RBFOX1: variants seen among roughly 807,000 people sequenced by gnomAD.
RBFOX1 encodes RNA binding protein fox-1 homolog 1.
In RBFOX1, 8 loss-of-function variants were observed where a neutral mutation model predicts 57.7. The observed-to-expected ratio is 0.14, with a 90% CI of 0.08 to 0.25. RBFOX1 has a LOEUF of 0.25. Ranked by LOEUF, RBFOX1 falls within the 10% of genes least tolerant of loss-of-function variation. RBFOX1 has a pLI of 1.00. For missense variants in RBFOX1, 611 were observed against 548.5 expected (o/e 1.11, Z -1.14); for synonymous variants, 326 against 222.4 (o/e 1.47, Z -4.15).
intron 1 of RBFOX1, among the ~76,000 whole-genome samples, chr16:5,376,149 C>A (rs941002545): frequency 6.8e-6 from 1 of 147,048 alleles, no homozygotes; most frequent in Non-Finnish European, 1.5e-5. Flanking sequence ...GCCTGGGTGA[C>A]AGAGCATGAC....
At chr16:7,475,991 G>C (rs984079914) in intron 4 of RBFOX1, among the ~76,000 whole-genome samples, 3 of 151,140 alleles carry the variant, frequency 2.0e-5, no homozygotes. Flanking sequence ...TTTGAGACAG[G>C]GTCTCACTCT....
At chr16:7,113,173 A>G (rs2065154584) in intron 4 of RBFOX1, among the ~76,000 whole-genome samples, 1 of 152,210 alleles carries the variant, frequency 6.6e-6, no homozygotes, top group Non-Finnish European at 1.5e-5. Flanking sequence ...AAATAAATAC[A>G]CAGATACATA....
intron 5 of RBFOX1, among the ~76,000 whole-genome samples, chr16:7,574,930 T>A (rs1032940340): frequency 1.3e-5 from 2 of 152,098 alleles, no homozygotes; most frequent in Non-Finnish European, 2.9e-5. Context: ...GCCTCCTGGA[T>A]AACAGCTGCT....
intron 2 of RBFOX1, among the ~76,000 whole-genome samples, chr16:6,525,596 A>G (rs1479351901): frequency 6.6e-6 from 1 of 152,152 alleles, no homozygotes; most frequent in Non-Finnish European, 1.5e-5. Flanking sequence ...GGGAATTTTC[A>G]GACTTGGGAA....
chr16:6,429,225 C>G (rs917729527), intron 2 of RBFOX1, among the ~76,000 whole-genome samples: 2 of 152,176 alleles, frequency 1.3e-5, no homozygotes, highest in African/African-American at 4.8e-5. Context: ...GTGGAGAGAG[C>G]TTTGGTGGAG....
intron 4 of RBFOX1, among the ~76,000 whole-genome samples, chr16:5,938,225 G>T (rs2152260716): frequency 6.6e-6 from 1 of 152,166 alleles, no homozygotes; most frequent in Middle Eastern, 3.4e-3. Context: ...GAAGTATATA[G>T]CTTTCAGGTT....
chr16:5,491,677 C>G (rs886228984), intron 2 of RBFOX1, among the ~76,000 whole-genome samples: 1 of 152,210 alleles, frequency 6.6e-6, no homozygotes, highest in Non-Finnish European at 1.5e-5. Context: ...GGCCCAGCAG[C>G]CATGAGCTAG....
chr16:6,297,347 C>A (rs542268046), intron 1 of RBFOX1, among the ~76,000 whole-genome samples: 30 of 152,222 alleles, frequency 2.0e-4, no homozygotes, highest in Middle Eastern at 3.4e-3. Context: ...TGCTCTGGTT[C>A]ACACGCCTCT....
intron 4 of RBFOX1, among the ~76,000 whole-genome samples, chr16:7,413,408 C>A (rs1334131384): frequency 6.6e-6 from 1 of 152,190 alleles, no homozygotes; most frequent in African/African-American, 2.4e-5. Flanking sequence ...AGCCTTGACC[C>A]CCAGAGTTCC....
In RBFOX1 at chr16:6,693,605, A is replaced by G. The variant is rs373194044; in HGVS notation, c.-16+38955A>G. On this transcript the variant is annotated intron_variant, in intron 3 of 15. Coordinates refer to ENST00000550418, the MANE Select transcript of RBFOX1 (RefSeq NM_018723.4). ...GTCATCATCCTCCACTACCATCACC[A>G]CCATCATCATCAACACATTTTTATT... Among the ~76,000 whole-genome samples, 41 of 150,046 alleles carry G rather than the reference A, an allele frequency of 2.7e-4. 1 individual carries two copies. The highest frequency in any genetic ancestry group is 9.9e-4 in the African/African-American group (40 of 40,574).
intron 3 of RBFOX1, among the ~76,000 whole-genome samples, chr16:6,796,114 C>G (rs2083969053): frequency 6.6e-6 from 1 of 152,148 alleles, no homozygotes; most frequent in South Asian, 2.1e-4. Context: ...GGAGGCCTCA[C>G]AGTCATGGCG....
chr16:7,350,414 A>G (rs1054653852), intron 4 of RBFOX1, among the ~76,000 whole-genome samples: 9 of 152,214 alleles, frequency 5.9e-5, no homozygotes, highest in Non-Finnish European at 8.8e-5. Flanking sequence ...TCAGGTGTGC[A>G]ATCAGCAGCC....
intron 2 of RBFOX1, among the ~76,000 whole-genome samples, chr16:6,611,394 G>C (rs760376099): frequency 6.6e-6 from 1 of 152,160 alleles, no homozygotes; most frequent in Non-Finnish European, 1.5e-5. Context: ...TGATCCATCT[G>C]CCTCAGCCTC....
At chr16:7,487,793 C>G (rs968839281) in intron 4 of RBFOX1, among the ~76,000 whole-genome samples, 4 of 152,138 alleles carry the variant, frequency 2.6e-5, no homozygotes, top group Admixed American at 2.6e-4. Context: ...CTAAGAGCCT[C>G]TTCAGTAAGA....
intron 2 of RBFOX1, among the ~76,000 whole-genome samples, chr16:6,471,254 C>G (rs149018901): frequency 6.6e-5 from 10 of 152,292 alleles, no homozygotes; most frequent in African/African-American, 2.4e-4. Context: ...CCTTGGAGAT[C>G]CAACTCAAGC....
At chr16:5,785,655 G>A (rs1224790472) in intron 3 of RBFOX1, among the ~76,000 whole-genome samples, 3 of 152,030 alleles carry the variant, frequency 2.0e-5, no homozygotes, top group Non-Finnish European at 4.4e-5. Flanking sequence ...AGCCTCCTGA[G>A]TAGCTGGGAT....
chr16:7,441,490 G>A (rs746159172), intron 4 of RBFOX1, among the ~76,000 whole-genome samples: 42 of 152,262 alleles, frequency 2.8e-4, no homozygotes, highest in African/African-American at 8.2e-4. Flanking sequence ...CTGGGTAGTG[G>A]TAAAAACTAA....
At chr16:5,569,673 A>G (rs770861501) in intron 2 of RBFOX1, among the ~76,000 whole-genome samples, 2 of 151,846 alleles carry the variant, frequency 1.3e-5, no homozygotes, top group Non-Finnish European at 2.9e-5. Context: ...CTCCAAAGCC[A>G]TTTCTCTTAA....
At chr16:7,393,529 G>A (rs922977823) in intron 4 of RBFOX1, among the ~76,000 whole-genome samples, 1 of 152,086 alleles carries the variant, frequency 6.6e-6, no homozygotes, top group African/African-American at 2.4e-5. Flanking sequence ...CCTGAGATGG[G>A]TGCAAGTGGT....
Sources: allele counts gnomAD v4.1 joint callset (sites outside exome capture counted in the v4.1 genomes callset), GRCh38; gene constraint gnomAD v4.1.1; transcripts MANE v1.5; gene names NCBI Gene and HGNC (gene_info 2026-07-23, HGNC 2026-07-21).